SUV39H2: variants seen among roughly 807,000 people sequenced by gnomAD.
SUV39H2 encodes SUV39H2 histone lysine methyltransferase, also known as histone-lysine N-methyltransferase SUV39H2.
A neutral mutation model predicts 47.5 loss-of-function variants in SUV39H2; 10 were observed. That is an observed-to-expected ratio of 0.21 (90% CI 0.13 to 0.36). SUV39H2 has a LOEUF of 0.36. Ranked by LOEUF, SUV39H2 falls within the 10% of genes least tolerant of loss-of-function variation. The probability of loss-of-function intolerance (pLI) is 1.00; values close to 1 mark genes in which losing one functional copy is unlikely to be tolerated. For missense variants in SUV39H2, 266 were observed against 487.4 expected, an observed-to-expected ratio of 0.55 and a Z score of 4.28; for synonymous variants, 159 against 166.8, an observed-to-expected ratio of 0.95 and a Z score of 0.36.
chr10:14,886,230 T>C (rs1833204140), intron 2 of SUV39H2, among the ~76,000 whole-genome samples: 1 of 152,188 alleles, frequency 6.6e-6, no homozygotes, highest in South Asian at 2.1e-4. Context: ...CATTTCCCTC[T>C]TCAGAATACT....
In SUV39H2 at chr10:14,902,395, T is replaced by C. The variant is rs1481331474; in HGVS notation, c.1127-11T>C. The C allele has an allele frequency of 3.2e-6, 5 of 1,567,358 alleles. No homozygotes were observed. Among genetic ancestry groups the C allele is most frequent in the Non-Finnish European group, 4.3e-6 (5 of 1,151,956 alleles). On this transcript the variant is annotated splice_polypyrimidine_tract_variant and intron_variant, in intron 5 of 5. Coordinates refer to ENST00000354919, the MANE Select transcript of SUV39H2 (RefSeq NM_001193424.2). ...TCTCTTTCTCCTATATTTCTTTTTC[T>C]GTGTCTTCAGGTTCTGGAGATATAT...
At chr10:14,900,324 T>C (rs1188360929) in intron 4 of SUV39H2, among the ~76,000 whole-genome samples, 2 of 152,138 alleles carry the variant, frequency 1.3e-5, no homozygotes, top group Non-Finnish European at 2.9e-5. Context: ...AGTAAAACAT[T>C]AGGCTTGTTA....
intron 4 of SUV39H2, 67 bp from the exon 5 acceptor site, chr10:14,901,066 T>C: frequency 1.3e-6 from 2 of 1,555,508 alleles, no homozygotes; most frequent in South Asian, 2.4e-5. Flanking sequence ...GTAAACATTT[T>C]ATATGGCATG....
At chr10:14,881,739 T>G in intron 2 of SUV39H2, 94 bp downstream of exon 2, 1 of 1,127,646 alleles carries the variant, frequency 8.9e-7, no homozygotes. Flanking sequence ...AGAAAAGCTC[T>G]TCTTAATGTT....
Position 14,878,871 on chromosome 10 carries a change from G to T in SUV39H2, c.-18G>T. 8 of 1,488,140 alleles carry T rather than the reference G, an allele frequency of 5.4e-6. 1 individual carries two copies. The South Asian group carries it at 1.1e-4, about 20-fold the overall frequency. 92.2% of individuals were successfully genotyped at this position (1,488,140 alleles called of 1,614,324 possible). A position where few individuals can be genotyped will look rare whatever the true frequency, so the allele number is the denominator to read the frequency against. On this transcript the variant is annotated 5_prime_UTR_variant, in exon 1 of 6. Coordinates refer to ENST00000354919, the MANE Select transcript of SUV39H2 (RefSeq NM_001193424.2). Reference sequence around the variant, plus strand: ...CTATCCCGTCAGACCGCGCCAGTTTGAATGAAAGCTCTACAAGATGGCGGC... The same window carrying T: ...CTATCCCGTCAGACCGCGCCAGTTTTAATGAAAGCTCTACAAGATGGCGGC...
chr10:14,878,871 G>A lies in SUV39H2; in HGVS notation c.-18G>A, dbSNP rs1050512499. The A allele has an allele frequency of 2.0e-6, 3 of 1,488,140 alleles. No homozygotes were observed. The highest frequency in any genetic ancestry group is 2.7e-6 in the Non-Finnish European group (3 of 1,118,532). The allele number at this position is 1,488,140 out of a possible 1,614,324, so 92.2% of individuals were successfully genotyped here. On this transcript the variant is annotated 5_prime_UTR_variant, in exon 1 of 6. Transcript: ENST00000354919. ...CTATCCCGTCAGACCGCGCCAGTTT[G>A]AATGAAAGCTCTACAAGATGGCGGC...
rs183938580 is a variant in SUV39H2, at chr10:14,890,385, A to C, written c.178-6461A>C. On this transcript the variant is annotated intron_variant, in intron 2 of 5. Transcript: ENST00000354919. Reference sequence around the variant, plus strand: ...CTCCCATGGAACCACTGGTGTTTTCATAATCAAATTCCAGTTATTTATTTA... The same window carrying C: ...CTCCCATGGAACCACTGGTGTTTTCCTAATCAAATTCCAGTTATTTATTTA... Among the ~76,000 whole-genome samples, 6 of 152,322 alleles carry C rather than the reference A, an allele frequency of 3.9e-5. No individual in the cohort carries two copies. In the East Asian group the frequency reaches 9.6e-4, roughly 24 times the overall value.
rs1833714889 is a variant in SUV39H2 at position 14,898,084 on chromosome 10, A to G, written c.849+567A>G. On this transcript the variant is annotated intron_variant, in intron 3 of 5. Transcript: ENST00000354919. ...GCAAATTTATTTGTATACAAATCATATATATGTATATATATATATAAATGT... is the reference window on the plus strand; with the variant it reads ...GCAAATTTATTTGTATACAAATCATGTATATGTATATATATATATAAATGT... The G allele has an allele frequency of 1.4e-5, 2 of 146,848 alleles. 1 individual carries two copies. Among genetic ancestry groups the G allele is most frequent in the Admixed American group, 1.3e-4 (2 of 14,912 alleles). 9.1% of individuals were successfully genotyped at this position (146,848 alleles called of 1,614,324 possible). A position where few individuals can be genotyped will look rare whatever the true frequency, so the allele number is the denominator to read the frequency against.
chr10:14,886,926 A>T (rs1833228542), intron 2 of SUV39H2, among the ~76,000 whole-genome samples: 1 of 152,224 alleles, frequency 6.6e-6, no homozygotes, highest in African/African-American at 2.4e-5. Flanking sequence ...CGAGCATTGT[A>T]ATTGACTAGG....
At chr10:14,896,650 T>C (rs1833629034) in intron 2 of SUV39H2, among the ~76,000 whole-genome samples, 196 bp from the exon 3 acceptor site, 1 of 152,240 alleles carries the variant, frequency 6.6e-6, no homozygotes, top group African/African-American at 2.4e-5. Context: ...AAATTCCATA[T>C]TTTATGTAAT....
At position 14,892,986 on chromosome 10, in the gene SUV39H2, G is replaced by A. The variant is rs1219317327; in HGVS notation, c.178-3860G>A. 3.4e-5 allele frequency among the ~76,000 whole-genome samples: 5 copies of A among 148,606 alleles called. No individual in the cohort carries two copies. In the East Asian group the frequency reaches 9.8e-4, roughly 29 times the overall value. On this transcript the variant is annotated intron_variant, in intron 2 of 5. Transcript: ENST00000354919. ...AGGTGCCTGCCCACCACCATGCCGA[G>A]CTAATTTTTTGTATTTTTTTTTTTT...
chr10:14,897,312 A>C lies in SUV39H2; in HGVS notation c.644A>C (p.Asn215Thr). The stretch of plus-strand genomic sequence containing the variant: ...GGAGTTCTTTTGGCTTATAATAAAA[A>C]CCAACAAATTAAAATCCCACCTGGT... The part of the protein sequence containing the change: ...EAGVLLAYNK[N>T]QQIKIPPGTP... The change falls in exon 3 of 6, where the codon AAC becomes ACC. Residue 215 changes from asparagine to threonine, a missense_variant. Physicochemically the swap from Asn to Thr is moderately conservative, Grantham distance 65. Coordinates refer to ENST00000354919, the MANE Select transcript of SUV39H2 (RefSeq NM_001193424.2). The C allele has an allele frequency of 6.2e-7, 1 of 1,613,330 alleles. No homozygotes were observed. Among genetic ancestry groups the C allele is most frequent in the Non-Finnish European group, 8.5e-7 (1 of 1,179,870 alleles).
chr10:14,899,193 C>T (rs1292076327), intron 3 of SUV39H2: 3 of 701,782 alleles, frequency 4.3e-6, no homozygotes, highest in African/African-American at 3.5e-5. Context: ...TGGCGGTATG[C>T]ACCTGTGATC....
chr10:14,878,926 C>A lies in SUV39H2; in HGVS notation c.31+7C>A. 2 of 1,470,552 alleles carry A rather than the reference C, an allele frequency of 1.4e-6. No individual in the cohort carries two copies. Among genetic ancestry groups the A allele is most frequent in the African/African-American group, 1.5e-5 (1 of 68,624 alleles). 91.1% of individuals were successfully genotyped at this position (1,470,552 alleles called of 1,614,324 possible). ...GGGGCCGAGGCGCGAGGAGGTGAGG[C>A]TGGAGCGCGGCCCCCTCGCCTTCCC... is the stretch of plus-strand genomic sequence containing the variant. On this transcript the variant is annotated splice_region_variant and intron_variant, in intron 1 of 5. Transcript: ENST00000354919.
In SUV39H2 at chr10:14,894,609, C is replaced by T. The variant is rs181373708; in HGVS notation, c.178-2237C>T. ...GTCTCGATCTCCTGACCTCGTGATC[C>T]GCCCGCCTCGGCCTCCCAAAGTGCT... On this transcript the variant is annotated intron_variant, in intron 2 of 5. Transcript: ENST00000354919. Among the ~76,000 whole-genome samples, 135 of 57,698 alleles carry T rather than the reference C, an allele frequency of 2.3e-3. 33 individuals carry two copies. Among genetic ancestry groups the T allele is most frequent in the South Asian group, 9.9e-3 (12 of 1,212 alleles). 37.9% of individuals were successfully genotyped at this position (57,698 alleles called of 152,430 possible). A position where few individuals can be genotyped will look rare whatever the true frequency, so the allele number is the denominator to read the frequency against.
chr10:14,896,722 A>C, intron 2 of SUV39H2, 124 bp from the exon 3 acceptor site: 1 of 705,290 alleles, frequency 1.4e-6, no homozygotes, highest in Non-Finnish European at 2.3e-6. Context: ...CTGTGACTAC[A>C]TGTTCTGAAC....
At position 14,897,645 on chromosome 10, in the gene SUV39H2, T is replaced by G. The variant is rs77293597; in HGVS notation, c.849+128T>G. 5.9e-3 allele frequency: 4,942 copies of G among 838,224 alleles called. 170 individuals are homozygous for G. The East Asian group carries it at 0.087, about 15-fold the overall frequency. The allele number at this position is 838,224 out of a possible 1,614,324, so 51.9% of individuals were successfully genotyped here. ...TTTTCATTTGCAGATATGTAGAAAT[T>G]TATTCAGATTTAGGAGAAGAGTTCA... is the stretch of plus-strand genomic sequence containing the variant. On this transcript the variant is annotated intron_variant, in intron 3 of 5. Coordinates refer to ENST00000354919, the MANE Select transcript of SUV39H2 (RefSeq NM_001193424.2).
chr10:14,902,368 ACT>A (rs1554770764), intron 5 of SUV39H2, 36 bp from the exon 6 acceptor site: 3 of 1,393,218 alleles, frequency 2.2e-6, no homozygotes, highest in Non-Finnish European at 3.0e-6. Context: ...AATTGTCTTA[ACT>A]CTCTTTCTCC....
intron 5 of SUV39H2, 56 bp from the exon 6 acceptor site, chr10:14,902,350 T>G (rs1834083688): frequency 2.4e-6 from 3 of 1,260,194 alleles, no homozygotes; most frequent in South Asian, 1.4e-5. Flanking sequence ...AATTTGAAAT[T>G]TATTCTAAAT....
Sources: gnomAD v4.1 joint callset for allele counts (sites outside exome capture counted in the v4.1 genomes callset) on GRCh38, gnomAD v4.1.1 for gene constraint, MANE v1.5 for transcripts, NCBI Gene and HGNC (gene_info 2026-07-23, HGNC 2026-07-21) for gene names.